The following NXPE4 variants were observed in gnomAD, a reference collection of about 807,000 sequenced individuals.
The protein encoded by NXPE4 is neurexophilin and PC-esterase domain family member 4.
In NXPE4, 42 loss-of-function variants were observed where a neutral mutation model predicts 33.3. That is an observed-to-expected ratio of 1.26 (90% CI 0.98 to 1.63). The LOEUF is 1.63. Ranked by LOEUF, NXPE4 falls within the 40% of genes most tolerant of loss-of-function variation. The probability of loss-of-function intolerance (pLI) is 0.00; values close to 1 mark genes in which losing one functional copy is unlikely to be tolerated. For missense variants in NXPE4, 709 were observed against 647.6 expected (o/e 1.09, Z -1.03); for synonymous variants, 253 against 234.9 (o/e 1.08, Z -0.71).
chr11:114,576,193 A>T (rs1407499090), intron 5 of NXPE4, among the ~76,000 whole-genome samples: 1 of 152,182 alleles, frequency 6.6e-6, no homozygotes, highest in African/African-American at 2.4e-5. Flanking sequence ...CTTATACAAA[A>T]ATCAACTCCA....
the NXPE4 span, among the ~76,000 whole-genome samples, chr11:114,635,264 T>C: frequency 2.7e-5 from 4 of 150,140 alleles, no homozygotes; most frequent in African/African-American, 9.8e-5. Context: ...GGCTCTCTGT[T>C]TGTCTGTTGT....
At chr11:114,638,584 A>G in the NXPE4 span, among the ~76,000 whole-genome samples, 1 of 151,434 alleles carries the variant, frequency 6.6e-6, no homozygotes. Flanking sequence ...TTTTTTCCCC[A>G]TCTTTGTGGT....
the NXPE4 span, among the ~76,000 whole-genome samples, chr11:114,611,032 C>T: frequency 1.1e-3 from 174 of 151,664 alleles, 1 homozygote; most frequent in African/African-American, 4.0e-3. Flanking sequence ...ACAACTCTTA[C>T]TCTGTGGATT....
the NXPE4 span, among the ~76,000 whole-genome samples, chr11:114,636,315 T>C: frequency 1.3e-5 from 2 of 152,080 alleles, no homozygotes; most frequent in South Asian, 2.1e-4. Context: ...TGATATCCCC[T>C]TTATCATTTT....
chr11:114,652,104 T>C, the NXPE4 span, among the ~76,000 whole-genome samples: 4 of 152,200 alleles, frequency 2.6e-5, no homozygotes, highest in Admixed American at 2.6e-4. Context: ...TTTTTTAATC[T>C]ACTGCCTAGA....
At chr11:114,606,916 T>A in the NXPE4 span, among the ~76,000 whole-genome samples, 2 of 151,912 alleles carry the variant, frequency 1.3e-5, no homozygotes, top group Non-Finnish European at 2.9e-5. Context: ...CGGTGGATAA[T>A]AAGTATTGTC....
the NXPE4 span, among the ~76,000 whole-genome samples, chr11:114,624,175 G>C: frequency 2.0e-5 from 3 of 152,094 alleles, no homozygotes; most frequent in Non-Finnish European, 2.9e-5. Context: ...TTATATGGTA[G>C]ATAATAACTA....
At chr11:114,635,750 T>C in the NXPE4 span, among the ~76,000 whole-genome samples, 1 of 152,112 alleles carries the variant, frequency 6.6e-6, no homozygotes, top group Non-Finnish European at 1.5e-5. Flanking sequence ...TGGTTCTGTT[T>C]ATATGCTGGA....
chr11:114,673,701 A>C, the NXPE4 span, among the ~76,000 whole-genome samples: 189 of 152,008 alleles, frequency 1.2e-3, no homozygotes, highest in African/African-American at 4.3e-3. Flanking sequence ...AGAGAAAGTT[A>C]AACTTGGGAA....
the NXPE4 span, among the ~76,000 whole-genome samples, chr11:114,624,602 T>A: frequency 1.3e-5 from 2 of 151,690 alleles, no homozygotes; most frequent in East Asian, 3.9e-4. Context: ...GGATTATAAG[T>A]ATTGCCTCAT....
At chr11:114,602,473 A>G in the NXPE4 span, among the ~76,000 whole-genome samples, 1 of 136,000 alleles carries the variant, frequency 7.4e-6, no homozygotes, top group Non-Finnish European at 1.5e-5. Flanking sequence ...TATAAATTAT[A>G]GATTATATAT....
chr11:114,651,677 T>A, the NXPE4 span, among the ~76,000 whole-genome samples: 2 of 152,190 alleles, frequency 1.3e-5, no homozygotes, highest in African/African-American at 4.8e-5. Context: ...AGAGAGCTGA[T>A]TGGTCTGTTT....
At chr11:114,648,258 C>A in the NXPE4 span, among the ~76,000 whole-genome samples, 3 of 152,164 alleles carry the variant, frequency 2.0e-5, no homozygotes, top group Middle Eastern at 3.4e-3. Context: ...AATTTGAAGG[C>A]ATGAGAACCA....
chr11:114,625,698 C>T, the NXPE4 span, among the ~76,000 whole-genome samples: 12 of 152,138 alleles, frequency 7.9e-5, no homozygotes, highest in East Asian at 1.9e-4. Context: ...GGAACAGCCC[C>T]GGTCTACAGC....
the NXPE4 span, among the ~76,000 whole-genome samples, chr11:114,650,788 ACTCT>A: frequency 7.9e-4 from 120 of 152,050 alleles, no homozygotes; most frequent in African/African-American, 1.4e-3. Context: ...CTCTGGAAAG[ACTCT>A]CTCTAAGTTC....
the NXPE4 span, among the ~76,000 whole-genome samples, chr11:114,635,157 T>C: frequency 6.6e-6 from 1 of 150,972 alleles, no homozygotes; most frequent in Non-Finnish European, 1.5e-5. Flanking sequence ...TGGTTTGTAG[T>C]TCTCCTTGAA....
At chr11:114,652,142 T>C in the NXPE4 span, among the ~76,000 whole-genome samples, 1 of 152,144 alleles carries the variant, frequency 6.6e-6, no homozygotes, top group Non-Finnish European at 1.5e-5. Flanking sequence ...CAATGCACTC[T>C]AGTAAGATTC....
the NXPE4 span, among the ~76,000 whole-genome samples, chr11:114,604,708 T>C: frequency 2.6e-5 from 4 of 151,910 alleles, no homozygotes; most frequent in Non-Finnish European, 5.9e-5. Context: ...GAATAAGTAA[T>C]GCCTTGTGGG....
upstream of NXPE4, among the ~76,000 whole-genome samples, chr11:114,599,783 C>G (rs1046244971): frequency 6.6e-6 from 1 of 152,044 alleles, no homozygotes; most frequent in African/African-American, 2.4e-5. Context: ...GGGGATGGTG[C>G]TAAACCATTT....
Sources: allele counts gnomAD v4.1 joint callset (sites outside exome capture counted in the v4.1 genomes callset), GRCh38; gene constraint gnomAD v4.1.1; transcripts MANE v1.5; gene names NCBI Gene and HGNC (gene_info 2026-07-23, HGNC 2026-07-21).